TMEM201: variants seen among roughly 807,000 people sequenced by gnomAD.
The protein encoded by TMEM201 is transmembrane protein 201.
TMEM201 carries 26 observed loss-of-function variants against 63.4 expected under a neutral mutation model. That is an observed-to-expected ratio of 0.41 (90% confidence interval 0.30 to 0.57). The LOEUF is 0.57. Ranked by LOEUF, TMEM201 falls within the 20% of genes least tolerant of loss-of-function variation. TMEM201 has a pLI of 0.29. For missense variants in TMEM201, 794 were observed against 917.7 expected, an observed-to-expected ratio of 0.87 and a Z score of 1.74; for synonymous variants, 417 against 421.6, an observed-to-expected ratio of 0.99 and a Z score of 0.14.
intron 1 of TMEM201, among the ~76,000 whole-genome samples, chr1:9,594,429 C>T (rs1451246930): frequency 1.3e-5 from 2 of 152,202 alleles, no homozygotes; most frequent in African/African-American, 4.8e-5. Context: ...GGGCCTGGTC[C>T]CATCTCCCCT....
chr1:9,595,206 A>C (rs1487428641), intron 1 of TMEM201, among the ~76,000 whole-genome samples: 1 of 152,086 alleles, frequency 6.6e-6, no homozygotes, highest in East Asian at 1.9e-4. Flanking sequence ...CAGAGCATAG[A>C]TCCCCCAGTG....
rs1210353728 is a variant in TMEM201 at position 9,596,903 on chromosome 1, C to T, written c.279C>T (p.His93=). Residue 93 remains histidine (H), a synonymous_variant, in exon 3 of 11, where the codon CAC becomes CAT. Coordinates refer to ENST00000340381, the MANE Select transcript of TMEM201 (RefSeq NM_001130924.3). ...NKPIPAQYLE[H]LNHVVSSAPS... is the part of the protein sequence containing the mutation. ...CGATCCCCGCCCAGTACTTGGAGCA[C>T]CTGAACCACGTGGTGAGCAGCGCGC... 1 of 1,609,466 alleles carries T rather than the reference C, an allele frequency of 6.2e-7. No individual in the cohort carries two copies. Among genetic ancestry groups the T allele is most frequent in the South Asian group, 1.1e-5 (1 of 90,812 alleles).
chr1:9,601,395 C>T lies in TMEM201; in HGVS notation c.897C>T (p.Gly299=), dbSNP rs754473783. Reference sequence around the variant, plus strand: ...CCTTTGGGCAGAGCCACCAGACGGGCGTCGTGGCACTGGGCCTACTCACCT... The same window carrying T: ...CCTTTGGGCAGAGCCACCAGACGGGTGTCGTGGCACTGGGCCTACTCACCT... ...AWAFGQSHQT[G]VVALGLLTCL... is the part of the protein sequence containing the mutation. The change falls in exon 5 of 11, where the codon GGC becomes GGT. Residue 299 remains glycine (G), a synonymous_variant. Coordinates refer to ENST00000340381, the MANE Select transcript of TMEM201 (RefSeq NM_001130924.3). 16 of 1,602,164 alleles carry T rather than the reference C, an allele frequency of 1.0e-5. No homozygotes were observed. The Admixed American group carries it at 1.5e-4, about 15-fold the overall frequency.
chr1:9,594,320 G>A (rs1643974485), intron 1 of TMEM201, among the ~76,000 whole-genome samples: 1 of 152,222 alleles, frequency 6.6e-6, no homozygotes, highest in East Asian at 1.9e-4. Context: ...TGAGGGCTTG[G>A]GCCTGTGCTG....
intron 6 of TMEM201, 74 bp downstream of exon 6, chr1:9,602,346 G>A (rs879043397): frequency 9.6e-6 from 15 of 1,563,912 alleles, no homozygotes; most frequent in Middle Eastern, 2.3e-4. Flanking sequence ...GGTCCGAAGC[G>A]GGCCCCTCTC....
In TMEM201 at chr1:9,604,441, G is replaced by C; in HGVS notation, c.1160+2169G>C. 1.0e-6 allele frequency: 1 copy of C among 985,400 alleles called. No homozygotes were observed. Among genetic ancestry groups the C allele is most frequent in the Non-Finnish European group, 1.2e-6 (1 of 829,920 alleles). 61.0% of individuals were successfully genotyped at this position (985,400 alleles called of 1,614,324 possible). Reference sequence around the variant, plus strand: ...ATGTGTCCCTTAAAAGTTTCACTACGTGGAGAAAATTCCAGCACCAAGTGT... The same window carrying C: ...ATGTGTCCCTTAAAAGTTTCACTACCTGGAGAAAATTCCAGCACCAAGTGT... On this transcript the variant is annotated intron_variant, in intron 6 of 10. Coordinates refer to ENST00000340381, the MANE Select transcript of TMEM201 (RefSeq NM_001130924.3). The surrounding 1 kb of genome is among the most constrained non-coding windows in gnomAD (Gnocchi z 4.1).
At chr1:9,609,399 G>A (rs953061527) in intron 7 of TMEM201, among the ~76,000 whole-genome samples, 2 of 152,188 alleles carry the variant, frequency 1.3e-5, no homozygotes, top group Non-Finnish European at 2.9e-5. Context: ...CCCTGGGATC[G>A]AGAGAACAGG....
In TMEM201 at chr1:9,598,520, C is replaced by T. The variant is rs755886806; in HGVS notation, c.501C>T (p.Cys167=). The change falls in exon 4 of 11, where the codon TGC becomes TGT. Residue 167 remains cysteine, a synonymous_variant. Coordinates refer to ENST00000340381, the MANE Select transcript of TMEM201 (RefSeq NM_001130924.3). ...AGATGTACAAGCTGTGCCGGCCGTG[C>T]CAAGCGGCTGTGGAGTACTACATCA... ...LEQMYKLCRP[C]QAAVEYYIKH... is the part of the protein sequence containing the mutation. The T allele has an allele frequency of 2.5e-6, 4 of 1,613,996 alleles. No individual in the cohort carries two copies. Among genetic ancestry groups the T allele is most frequent in the Non-Finnish European group, 2.5e-6 (3 of 1,180,036 alleles).
At chr1:9,601,764 C>T (rs1261706843) in intron 5 of TMEM201, among the ~76,000 whole-genome samples, 1 of 152,200 alleles carries the variant, frequency 6.6e-6, no homozygotes, top group Non-Finnish European at 1.5e-5. Flanking sequence ...CACGTGGGGG[C>T]CTCTGGGGTT....
At chr1:9,595,551 G>C (rs1644001859) in intron 1 of TMEM201, among the ~76,000 whole-genome samples, 1 of 152,120 alleles carries the variant, frequency 6.6e-6, no homozygotes, top group Admixed American at 6.5e-5. Flanking sequence ...AGGCCACCAG[G>C]AGCAGGTGGC....
chr1:9,599,098 G>A (rs182442659), intron 4 of TMEM201, among the ~76,000 whole-genome samples: 230 of 150,060 alleles, frequency 1.5e-3, no homozygotes, highest in Non-Finnish European at 9.8e-4. Context: ...CCGCCATCAT[G>A]CCCAGTTAAT....
At chr1:9,601,035 C>A in intron 4 of TMEM201, 70 bp from the exon 5 acceptor site, 2 of 1,396,060 alleles carry the variant, frequency 1.4e-6, no homozygotes, top group Non-Finnish European at 9.9e-7. Context: ...CCCGCACAGA[C>A]TGGCACCGGT....
intron 7 of TMEM201, among the ~76,000 whole-genome samples, chr1:9,609,354 C>T (rs531112493): frequency 5.9e-5 from 9 of 152,306 alleles, no homozygotes; most frequent in Middle Eastern, 3.4e-3. Context: ...GGGGTGCGTG[C>T]GCCTGATTTA....
chr1:9,593,809 G>T (rs1032568010), intron 1 of TMEM201, among the ~76,000 whole-genome samples: 9 of 152,350 alleles, frequency 5.9e-5, no homozygotes, highest in Admixed American at 4.6e-4. Context: ...TCAGTTGGGT[G>T]CAGAGCCTTG....
Position 9,603,783 on chromosome 1 carries a change from A to G in TMEM201, c.1160+1511A>G, listed in dbSNP as rs1644192507. 1 of 985,462 alleles carries G rather than the reference A, an allele frequency of 1.0e-6. No homozygotes were observed. The highest frequency in any genetic ancestry group is 4.7e-5 in the South Asian group (1 of 21,280). 61.0% of individuals were successfully genotyped at this position (985,462 alleles called of 1,614,324 possible). The stretch of plus-strand genomic sequence containing the variant: ...ACCCAGCTTCACAAGTGAGGAACCC[A>G]GGTGCATCGGGAGACCCTCGGGGGC... On this transcript the variant is annotated intron_variant, in intron 6 of 10. Coordinates refer to ENST00000340381, the MANE Select transcript of TMEM201 (RefSeq NM_001130924.3). The surrounding 1 kb of genome is among the most constrained non-coding windows in gnomAD (Gnocchi z 4.5).
In TMEM201 at chr1:9,610,966, C is replaced by T. The variant is rs1644316683; in HGVS notation, c.1765+161C>T. The T allele has an allele frequency of 6.6e-7, 1 of 1,522,252 alleles. No individual in the cohort carries two copies. 94.3% of individuals were successfully genotyped at this position (1,522,252 alleles called of 1,614,324 possible). ...CATTCCGGCTCTGGTGACTTGAACC[C>T]TCTGGGACATTGACCTCTAATGGCT... On this transcript the variant is annotated intron_variant, in intron 9 of 10. Transcript: ENST00000340381. This position sits in a 1 kb window ranked among gnomAD's most constrained non-coding sequence, Gnocchi z 4.9.
chr1:9,598,763 T>C lies in TMEM201; in HGVS notation c.606+138T>C. 5 of 891,116 alleles carry C rather than the reference T, an allele frequency of 5.6e-6. No individual in the cohort carries two copies. The South Asian group carries it at 1.2e-4, about 22-fold the overall frequency. 55.2% of individuals were successfully genotyped at this position (891,116 alleles called of 1,614,324 possible). A position where few individuals can be genotyped will look rare whatever the true frequency, so the allele number is the denominator to read the frequency against. On this transcript the variant is annotated intron_variant, in intron 4 of 10. Transcript: ENST00000340381. Reference sequence around the variant, plus strand: ...TTATTTTTATTTTATTTTATTTTATTTTTGAGATAAAGTTTTGCTGGGATT... The same window carrying C: ...TTATTTTTATTTTATTTTATTTTATCTTTGAGATAAAGTTTTGCTGGGATT...
chr1:9,589,583 G>A (rs547510133), intron 1 of TMEM201, among the ~76,000 whole-genome samples: 1 of 152,398 alleles, frequency 6.6e-6, no homozygotes, highest in African/African-American at 2.4e-5. Context: ...CCCCGAGGCT[G>A]GGCTGCCTCC....
intron 9 of TMEM201, among the ~76,000 whole-genome samples, chr1:9,611,326 T>C (rs1377444864): frequency 6.6e-6 from 1 of 151,876 alleles, no homozygotes. Flanking sequence ...GCCTCCCGAG[T>C]AGCTGGGACT....
Sources: gnomAD v4.1 joint callset for allele counts (sites outside exome capture counted in the v4.1 genomes callset) on GRCh38, gnomAD v4.1.1 for gene constraint, Gnocchi (gnomAD v3.1) non-coding constraint, MANE v1.5 for transcripts, NCBI Gene and HGNC (gene_info 2026-07-23, HGNC 2026-07-21) for gene names.